The following CSF2RB variants were observed in gnomAD, a reference collection of about 807,000 sequenced individuals.
CSF2RB encodes cytokine receptor common subunit beta.
Under a neutral mutation model 67.2 loss-of-function variants are expected in CSF2RB, and 22 were observed. That is an observed-to-expected ratio of 0.33 (90% CI 0.23 to 0.47). The LOEUF (loss-of-function observed/expected upper bound fraction) is 0.47, where lower values mean the gene tolerates loss of function less well. Ranked by LOEUF, CSF2RB falls within the 20% of genes least tolerant of loss-of-function variation. CSF2RB has a pLI of 1.00. For synonymous variants in CSF2RB, 507 were observed against 482.9 expected (o/e 1.05, Z -0.65); for missense variants, 1,113 against 1,174.5 (o/e 0.95, Z 0.76).
rs971425101 is a variant in CSF2RB, at chr22:36,938,709, G to A, written c.*207G>A. On this transcript the variant is annotated 3_prime_UTR_variant, in exon 14 of 14. Transcript: ENST00000403662. ...CTCACACAGACACACACACACACACGTACATGCACACATTTTTCCTGTCAG... is the reference window on the plus strand; with the variant it reads ...CTCACACAGACACACACACACACACATACATGCACACATTTTTCCTGTCAG... 3.5e-5 allele frequency: 20 copies of A among 572,082 alleles called. No individual in the cohort carries two copies. Among genetic ancestry groups the A allele is most frequent in the South Asian group, 9.9e-5 (4 of 40,442 alleles). 35.4% of individuals were successfully genotyped at this position (572,082 alleles called of 1,614,324 possible). A position where few individuals can be genotyped will look rare whatever the true frequency, so the allele number is the denominator to read the frequency against.
Position 36,922,303 on chromosome 22 carries a change from C to A in CSF2RB, c.76+20C>A, listed in dbSNP as rs1275214415. 6.4e-7 allele frequency: 1 copy of A among 1,562,808 alleles called. No individual in the cohort carries two copies. Among genetic ancestry groups the A allele is most frequent in the African/African-American group, 1.4e-5 (1 of 73,902 alleles). On this transcript the variant is annotated intron_variant, in intron 2 of 13. Coordinates refer to ENST00000403662, the MANE Select transcript of CSF2RB (RefSeq NM_000395.3). ...CAGAAGGTGAGTCCCGTGGCTCCCA[C>A]CCACTTCCCTGTCCCTGTCCTCACT... is the stretch of plus-strand genomic sequence containing the variant.
At position 36,938,276 on chromosome 22, in the gene CSF2RB, G is replaced by A; in HGVS notation, c.2468G>A (p.Cys823Tyr). 3.7e-6 allele frequency: 6 copies of A among 1,614,174 alleles called. No individual in the cohort carries two copies. The highest frequency in any genetic ancestry group is 4.2e-6 in the Non-Finnish European group (5 of 1,180,014). ...LLVLQQVGDY[C>Y]FLPGLGPGPL... Reference sequence around the variant, plus strand: ...GTCCTGCAGCAAGTGGGCGACTATTGCTTCCTCCCCGGCCTGGGGCCCGGC... The same window carrying A: ...GTCCTGCAGCAAGTGGGCGACTATTACTTCCTCCCCGGCCTGGGGCCCGGC... The change falls in exon 14 of 14, where the codon TGC becomes TAC. Residue 823 changes from cysteine to tyrosine, a missense_variant. Transcript: ENST00000403662.
At chr22:36,935,528 C>G (rs537303434) in intron 11 of CSF2RB, 87 bp downstream of exon 11, 9 of 1,605,314 alleles carry the variant, frequency 5.6e-6, no homozygotes, top group Admixed American at 5.0e-5. Context: ...AGGCCCTGCT[C>G]TGCCGCTCCC....
intron 6 of CSF2RB, among the ~76,000 whole-genome samples, 184 bp from the exon 7 acceptor site, chr22:36,930,191 G>T (rs1297338070): frequency 6.6e-6 from 1 of 151,008 alleles, no homozygotes; most frequent in Non-Finnish European, 1.5e-5. Context: ...CAGGTGCACA[G>T]AACTCTCTCT....
Position 36,922,138 on chromosome 22 carries a change from A to G in CSF2RB, c.-70A>G, listed in dbSNP as rs1940887499. Reference sequence around the variant, plus strand: ...AGGAACACAGGACTTCAGGACACTAAGGACCCTGTCATGCCCATGGCCAGC... The same window carrying G: ...AGGAACACAGGACTTCAGGACACTAGGGACCCTGTCATGCCCATGGCCAGC... On this transcript the variant is annotated 5_prime_UTR_variant, in exon 2 of 14. An upstream open reading frame in the 5' UTR loses its in-frame stop. Coordinates refer to ENST00000403662, the MANE Select transcript of CSF2RB (RefSeq NM_000395.3). The G allele has an allele frequency of 7.1e-7, 1 of 1,411,580 alleles. No individual in the cohort carries two copies. Among genetic ancestry groups the G allele is most frequent in the East Asian group, 2.5e-5 (1 of 40,266 alleles). 87.4% of individuals were successfully genotyped at this position (1,411,580 alleles called of 1,614,324 possible).
Position 36,923,325 on chromosome 22 carries a change from C to A in CSF2RB, c.158C>A (p.Ala53Asp), listed in dbSNP as rs1288178821. ...TGCAGGTGGGCAGACACCCAGGATG[C>A]CCAGCGGCTCGTCAACGTGACCCTC... Reference protein sequence around the residue: ...ITCRWADTQDAQRLVNVTLIR... With the variant: ...ITCRWADTQDDQRLVNVTLIR... Residue 53 changes from alanine (A) to aspartate (D), a missense_variant, in exon 3 of 14, where the codon GCC (alanine) becomes GAC (aspartate). Around this residue, in one of 2 missense-constraint regions of CSF2RB, gnomAD observed 559 missense variants for 656.5 expected, o/e 0.85. Transcript: ENST00000403662. 6.2e-7 allele frequency: 1 copy of A among 1,614,172 alleles called. No individual in the cohort carries two copies. The highest frequency in any genetic ancestry group is 8.5e-7 in the Non-Finnish European group (1 of 1,180,022).
Position 36,938,567 on chromosome 22 carries a change from T to A in CSF2RB, c.*65T>A. The A allele has an allele frequency of 6.6e-7, 1 of 1,518,230 alleles. No individual in the cohort carries two copies. Among genetic ancestry groups the A allele is most frequent in the South Asian group, 1.3e-5 (1 of 78,140 alleles). 94.0% of individuals were successfully genotyped at this position (1,518,230 alleles called of 1,614,324 possible). ...TGCCTTCCCTCCCGCCTGACCTTCC[T>A]CAGTCATTTCTGCAAAGCCAAGGGG... On this transcript the variant is annotated 3_prime_UTR_variant, in exon 14 of 14. Transcript: ENST00000403662.
chr22:36,938,539 G>A lies in CSF2RB; in HGVS notation c.*37G>A, dbSNP rs1445629643. Reference sequence around the variant, plus strand: ...CTAGACAGGCAAGGGGATGGAGAGGGCTTGCCTTCCCTCCCGCCTGACCTT... The same window carrying A: ...CTAGACAGGCAAGGGGATGGAGAGGACTTGCCTTCCCTCCCGCCTGACCTT... On this transcript the variant is annotated 3_prime_UTR_variant, in exon 14 of 14. Transcript: ENST00000403662. 1 of 1,576,408 alleles carries A rather than the reference G, an allele frequency of 6.3e-7. No homozygotes were observed. The highest frequency in any genetic ancestry group is 2.3e-5 in the East Asian group (1 of 44,436).
intron 1 of CSF2RB, among the ~76,000 whole-genome samples, chr22:36,918,883 T>C (rs1601576430): frequency 6.6e-6 from 1 of 152,172 alleles, no homozygotes; most frequent in Non-Finnish European, 1.5e-5. Context: ...ATCCTCAAGG[T>C]AACCTCATGG....
At position 36,929,713 on chromosome 22, in the gene CSF2RB, C is replaced by T. The variant is rs763038738; in HGVS notation, c.624C>T (p.Tyr208=). The T allele has an allele frequency of 1.5e-5, 25 of 1,614,126 alleles. No homozygotes were observed. The highest frequency in any genetic ancestry group is 8.0e-5 in the African/African-American group (6 of 74,952). ...AGCACCTCATGCCCAGCAGCACCTA[C>T]GTGGCCCGAGTACGGACCCGCCTGG... ...GPEHLMPSST[Y]VARVRTRLAP... The change falls in exon 6 of 14, where the codon TAC becomes TAT. Residue 208 remains tyrosine, a synonymous_variant. Coordinates refer to ENST00000403662, the MANE Select transcript of CSF2RB (RefSeq NM_000395.3).
At chr22:36,915,168 T>C (rs895393268) in intron 1 of CSF2RB, among the ~76,000 whole-genome samples, 7 of 152,326 alleles carry the variant, frequency 4.6e-5, no homozygotes, top group Admixed American at 2.0e-4. Flanking sequence ...CACTGCAACC[T>C]CTGCCTCCCG....
chr22:36,922,053 GC>G lies in CSF2RB; in HGVS notation c.-153del. 1.5e-6 allele frequency: 1 copy of G among 671,894 alleles called. No individual in the cohort carries two copies. Among genetic ancestry groups the G allele is most frequent in the Non-Finnish European group, 2.7e-6 (1 of 376,542 alleles). The allele number at this position is 671,894 out of a possible 1,614,324, so 41.6% of individuals were successfully genotyped here. On this transcript the variant is annotated 5_prime_UTR_variant, in exon 2 of 14. Coordinates refer to ENST00000403662, the MANE Select transcript of CSF2RB (RefSeq NM_000395.3). Reference sequence around the variant, plus strand: ...TTCTGCAGGCCTGGAGGAGGCAGAGGCCAGGAGGGAGAGGTCCCAAGAGCCT... The same window carrying G: ...TTCTGCAGGCCTGGAGGAGGCAGAGGCAGGAGGGAGAGGTCCCAAGAGCCT...
chr22:36,923,840 G>A (rs1429827906), intron 3 of CSF2RB: 27 of 1,233,352 alleles, frequency 2.2e-5, no homozygotes, highest in Non-Finnish European at 2.6e-5. Context: ...CCCTGGCCAC[G>A]GGGTAGACAG....
At position 36,938,431 on chromosome 22, in the gene CSF2RB, A is replaced by G; in HGVS notation, c.2623A>G (p.Lys875Glu). 6.2e-7 allele frequency: 1 copy of G among 1,614,092 alleles called. No individual in the cohort carries two copies. Among genetic ancestry groups the G allele is most frequent in the Non-Finnish European group, 8.5e-7 (1 of 1,180,002 alleles). The change falls in exon 14 of 14, where the codon AAA becomes GAA. Residue 875 changes from lysine (K) to glutamate (E), a missense_variant. This residue lies in a region of CSF2RB where 554 missense variants were observed against 517.9 expected (regional missense o/e 1.07). Coordinates refer to ENST00000403662, the MANE Select transcript of CSF2RB (RefSeq NM_000395.3). The part of the protein sequence containing the change: ...VPQVPVIQLF[K>E]ALKQQDYLSL... ...CCAGGTGCCCGTCATTCAGCTCTTCAAAGCCCTGAAGCAGCAGGACTACCT... is the reference window on the plus strand; with the variant it reads ...CCAGGTGCCCGTCATTCAGCTCTTCGAAGCCCTGAAGCAGCAGGACTACCT...
chr22:36,920,203 T>G (rs2145775119), intron 1 of CSF2RB, among the ~76,000 whole-genome samples: 1 of 152,386 alleles, frequency 6.6e-6, no homozygotes, highest in East Asian at 1.9e-4. Flanking sequence ...GAATTCTCTC[T>G]GTGTATGTGA....
In CSF2RB at chr22:36,932,704, C is replaced by T. The variant is rs143880702; in HGVS notation, c.1013-61C>T. On this transcript the variant is annotated intron_variant, in intron 8 of 13. Transcript: ENST00000403662. ...CAGCCCCAGTGTCTAGCATGAGACA[C>T]GGGGAATGTTCCGTTGGAGGGTGGG... The T allele has an allele frequency of 9.8e-4, 1,550 of 1,583,590 alleles. 13 individuals carry two copies. The African/African-American group carries it at 0.019, about 19-fold the overall frequency.
chr22:36,927,974 C>T (rs1941061263), intron 4 of CSF2RB, among the ~76,000 whole-genome samples: 1 of 152,190 alleles, frequency 6.6e-6, no homozygotes, highest in Non-Finnish European at 1.5e-5. Context: ...AGCCAGCAAC[C>T]CTGCCCTTGG....
intron 1 of CSF2RB, among the ~76,000 whole-genome samples, chr22:36,914,429 G>T (rs118039979): frequency 0.021 from 3,220 of 151,532 alleles, 61 homozygotes; most frequent in South Asian, 0.057. Context: ...CTCTCTCTCT[G>T]TCTGTCTGTC....
rs767206753 is a variant in CSF2RB at position 36,923,216 on chromosome 22, G to A, written c.77-28G>A. 32 of 1,613,984 alleles carry A rather than the reference G, an allele frequency of 2.0e-5. No individual in the cohort carries two copies. In the South Asian group the frequency reaches 3.3e-4, roughly 17 times the overall value. On this transcript the variant is annotated intron_variant, in intron 2 of 13. Transcript: ENST00000403662. ...GACAAGGGTCCCTGCAGGAAAGAGA[G>A]GTGACCCCCTTCTACCCCTCTTGTC...
Sources: allele counts gnomAD v4.1 joint callset (sites outside exome capture counted in the v4.1 genomes callset), GRCh38; gene constraint gnomAD v4.1.1; regional missense constraint gnomAD v4.1.1; transcripts MANE v1.5; gene names NCBI Gene and HGNC (gene_info 2026-07-23, HGNC 2026-07-21).